The following TAFA5 variants were observed in gnomAD, a reference collection of about 807,000 sequenced individuals.
TAFA5 encodes chemokine-like protein TAFA-5.
Under a neutral mutation model 15.3 loss-of-function variants are expected in TAFA5, and 6 were observed. The ratio of observed to expected loss-of-function variants is 0.39; its 90% CI spans 0.21 to 0.77. The LOEUF (loss-of-function observed/expected upper bound fraction) is 0.77. Among genes scored for constraint, TAFA5 ranks in the 30% least tolerant of loss-of-function variants. TAFA5 has a pLI of 0.41. For synonymous variants in TAFA5, 103 were observed against 80.7 expected (o/e 1.28, Z -1.48); for missense variants, 161 against 193.1 (o/e 0.83, Z 0.98).
intron 1 of TAFA5, among the ~76,000 whole-genome samples, chr22:48,583,919 CCA>C (rs1233984716): frequency 1.6e-5 from 2 of 128,292 alleles, no homozygotes; most frequent in South Asian, 3.2e-4. Flanking sequence ...ACCTCATACA[CCA>C]CACACACACC....
chr22:48,536,377 A>C (rs967714497), intron 1 of TAFA5, among the ~76,000 whole-genome samples: 1 of 152,250 alleles, frequency 6.6e-6, no homozygotes, highest in Non-Finnish European at 1.5e-5. Context: ...TTATATGTCC[A>C]TAAAAGACGA....
chr22:48,651,165 G>A (rs1386292706), intron 2 of TAFA5, among the ~76,000 whole-genome samples: 1 of 152,234 alleles, frequency 6.6e-6, no homozygotes, highest in Non-Finnish European at 1.5e-5. Flanking sequence ...AGTAGCGGGG[G>A]CAGCAGAGGG....
chr22:48,731,477 C>T (rs939923286), intron 3 of TAFA5, among the ~76,000 whole-genome samples: 3 of 152,228 alleles, frequency 2.0e-5, no homozygotes, highest in Non-Finnish European at 2.9e-5. Flanking sequence ...TGCCTGGTTT[C>T]GAAGCACCAG....
intron 2 of TAFA5, among the ~76,000 whole-genome samples, chr22:48,673,541 G>A (rs567769002): frequency 2.6e-4 from 40 of 152,316 alleles, no homozygotes; most frequent in Admixed American, 6.5e-4. Flanking sequence ...GGAAGAGGCC[G>A]GCCTTCTTCT....
At chr22:48,718,168 G>A (rs544672997) in intron 3 of TAFA5, among the ~76,000 whole-genome samples, 7 of 152,300 alleles carry the variant, frequency 4.6e-5, no homozygotes, top group Admixed American at 3.3e-4. Context: ...GGCGAGAGCC[G>A]AGGTGGTATC....
chr22:48,706,349 C>T (rs548992032), intron 2 of TAFA5, among the ~76,000 whole-genome samples: 1 of 152,214 alleles, frequency 6.6e-6, no homozygotes, highest in Non-Finnish European at 1.5e-5. Flanking sequence ...GTGAGGACCC[C>T]GAGGAACTGT....
intron 1 of TAFA5, among the ~76,000 whole-genome samples, chr22:48,512,518 G>C (rs1283218261): frequency 6.6e-6 from 1 of 152,184 alleles, no homozygotes; most frequent in African/African-American, 2.4e-5. Flanking sequence ...TGAGGCAAGA[G>C]AGTGGCTTGA....
intron 3 of TAFA5, among the ~76,000 whole-genome samples, chr22:48,735,110 G>T (rs1212658130): frequency 6.6e-6 from 1 of 152,200 alleles, no homozygotes; most frequent in African/African-American, 2.4e-5. Flanking sequence ...ATGGGCTGCA[G>T]ACTGTTCTCA....
At chr22:48,537,743 C>T (rs1922219845) in intron 1 of TAFA5, among the ~76,000 whole-genome samples, 1 of 152,254 alleles carries the variant, frequency 6.6e-6, no homozygotes, top group Admixed American at 6.5e-5. Context: ...TGTCAGAGCG[C>T]CCAGCCCAGC....
chr22:48,528,476 G>A (rs1569168590), intron 1 of TAFA5, among the ~76,000 whole-genome samples: 1 of 152,130 alleles, frequency 6.6e-6, no homozygotes, highest in Non-Finnish European at 1.5e-5. Flanking sequence ...TGCAGCCACT[G>A]CACCCAGCCC....
intron 1 of TAFA5, among the ~76,000 whole-genome samples, chr22:48,556,398 C>A (rs1266940732): frequency 2.0e-5 from 3 of 152,212 alleles, no homozygotes; most frequent in Non-Finnish European, 2.9e-5. Flanking sequence ...GATGCAGAGG[C>A]TCCCGGAATT....
At chr22:48,657,087 A>G (rs1927278450) in intron 2 of TAFA5, among the ~76,000 whole-genome samples, 1 of 152,148 alleles carries the variant, frequency 6.6e-6, no homozygotes, top group Non-Finnish European at 1.5e-5. Context: ...AGTTCTTTCA[A>G]AGATAAATGA....
chr22:48,537,910 G>A (rs1462426819), intron 1 of TAFA5, among the ~76,000 whole-genome samples: 4 of 152,180 alleles, frequency 2.6e-5, no homozygotes, highest in Non-Finnish European at 5.9e-5. Context: ...CAGGGTGAGG[G>A]GGTGGCAGGG....
At chr22:48,532,537 C>A (rs1922009469) in intron 1 of TAFA5, among the ~76,000 whole-genome samples, 1 of 152,228 alleles carries the variant, frequency 6.6e-6, no homozygotes, top group African/African-American at 2.4e-5. Flanking sequence ...CGATTACGCA[C>A]TGTCGCTGGT....
intron 1 of TAFA5, among the ~76,000 whole-genome samples, chr22:48,493,583 T>C (rs940327734): frequency 2.2e-4 from 33 of 152,350 alleles, no homozygotes; most frequent in Non-Finnish European, 7.3e-5. Context: ...GTGGTGCCGT[T>C]CAGAAGTTTA....
rs533327531 is a variant in TAFA5, at chr22:48,682,179, G to A, written c.263-25538G>A. The stretch of plus-strand genomic sequence containing the variant: ...GCTCCAGGTTGTGGCCAGCAGTCTG[G>A]GCTCCCTAGACCAGCAGCTGGCAGG... On this transcript the variant is annotated intron_variant, in intron 2 of 3. Transcript: ENST00000402357. 6.4e-4 allele frequency among the ~76,000 whole-genome samples: 98 copies of A among 152,266 alleles called. 2 individuals carry two copies. Among genetic ancestry groups the A allele is most frequent in the Non-Finnish European group, 2.6e-4 (18 of 68,014 alleles).
intron 1 of TAFA5, among the ~76,000 whole-genome samples, chr22:48,619,103 T>C (rs1925715170): frequency 6.6e-6 from 1 of 152,246 alleles, no homozygotes; most frequent in South Asian, 2.1e-4. Flanking sequence ...CTCCATGTCC[T>C]GATGTTTAAA....
intron 1 of TAFA5, among the ~76,000 whole-genome samples, chr22:48,643,949 AG>A (rs1926773041): frequency 1.3e-5 from 2 of 152,238 alleles, no homozygotes; most frequent in Non-Finnish European, 2.9e-5. Flanking sequence ...CTCAGATCAC[AG>A]TGACTTTCCT....
At chr22:48,514,596 G>A (rs1921338115) in intron 1 of TAFA5, among the ~76,000 whole-genome samples, 1 of 152,016 alleles carries the variant, frequency 6.6e-6, no homozygotes, top group African/African-American at 2.4e-5. Context: ...CCTGCCCAGG[G>A]AGCTTATAAG....
Sources: gnomAD v4.1 joint callset for allele counts (sites outside exome capture counted in the v4.1 genomes callset) on GRCh38, gnomAD v4.1.1 for gene constraint, MANE v1.5 for transcripts, NCBI Gene and HGNC (gene_info 2026-07-23, HGNC 2026-07-21) for gene names.